NPL: variants seen among roughly 807,000 people sequenced by gnomAD.
The protein encoded by NPL is N-acetylneuraminate lyase.
A neutral mutation model predicts 41.1 loss-of-function variants in NPL; 32 were observed. The observed-to-expected ratio is 0.78, with a 90% CI of 0.59 to 1.05. NPL has a LOEUF of 1.05. Among genes scored for constraint, NPL ranks in the 50% least tolerant of loss-of-function variants. The pLI, the probability that NPL is intolerant of heterozygous loss-of-function variation, is 0.00. For missense variants in NPL, 321 were observed against 378.4 expected (o/e 0.85, Z 1.26); for synonymous variants, 128 against 134.9 (o/e 0.95, Z 0.35).
chr1:182,825,572 T>C (rs1667610123), intron 11 of NPL, among the ~76,000 whole-genome samples: 1 of 152,180 alleles, frequency 6.6e-6, no homozygotes, highest in Non-Finnish European at 1.5e-5. Context: ...CACGGGCCCA[T>C]TTTGTAAAGC....
intron 11 of NPL, among the ~76,000 whole-genome samples, chr1:182,824,327 G>A (rs1667571135): frequency 6.6e-6 from 1 of 152,160 alleles, no homozygotes; most frequent in Non-Finnish European, 1.5e-5. Flanking sequence ...GATAGTAAAT[G>A]TAATGTGCTA....
chr1:182,817,258 AT>A (rs1458120673), intron 8 of NPL, among the ~76,000 whole-genome samples: 5 of 152,206 alleles, frequency 3.3e-5, no homozygotes, highest in Non-Finnish European at 4.4e-5. Context: ...GAGTTTTACA[AT>A]TAGCTGAAAT....
chr1:182,816,671 T>A, intron 7 of NPL, 43 bp from the exon 8 acceptor site: 1 of 1,401,486 alleles, frequency 7.1e-7, no homozygotes, highest in Non-Finnish European at 1.0e-6. Flanking sequence ...AAGCCACTGT[T>A]TTACACCTGT....
In NPL at chr1:182,828,445, A is replaced by G. The variant is rs975840818; in HGVS notation, c.779-279A>G. 2.6e-5 allele frequency among the ~76,000 whole-genome samples: 4 copies of G among 151,882 alleles called. No individual in the cohort carries two copies. Among genetic ancestry groups the G allele is most frequent in the Non-Finnish European group, 5.9e-5 (4 of 67,982 alleles). Reference sequence around the variant, plus strand: ...CCCTTCTGACCTCTTTATTCCTGACACCTTTGGCTTCTCCTTCTTGGGTTT... The same window carrying G: ...CCCTTCTGACCTCTTTATTCCTGACGCCTTTGGCTTCTCCTTCTTGGGTTT... On this transcript the variant is annotated intron_variant, in intron 12 of 12. Coordinates refer to ENST00000367553, the MANE Select transcript of NPL (RefSeq NM_030769.3). The surrounding 1 kb of genome is among the most constrained non-coding windows in gnomAD (Gnocchi z 4.0).
At chr1:182,807,989 G>A (rs1213717962) in intron 5 of NPL, among the ~76,000 whole-genome samples, 3 of 151,932 alleles carry the variant, frequency 2.0e-5, no homozygotes, top group African/African-American at 7.3e-5. Flanking sequence ...TTGGGAGTGA[G>A]TCCTGTCACT....
At chr1:182,804,448 G>A (rs564541462) in intron 4 of NPL, among the ~76,000 whole-genome samples, 4 of 152,106 alleles carry the variant, frequency 2.6e-5, no homozygotes, top group Non-Finnish European at 5.9e-5. Flanking sequence ...CTTAAGAATG[G>A]GCTTTATTCT....
chr1:182,821,522 G>A (rs1196825421), intron 10 of NPL, among the ~76,000 whole-genome samples: 1 of 152,102 alleles, frequency 6.6e-6, no homozygotes, highest in Non-Finnish European at 1.5e-5. Context: ...ATAAAAACCA[G>A]GCCTACCTTG....
At chr1:182,825,083 G>C (rs1323346935) in intron 11 of NPL, among the ~76,000 whole-genome samples, 1 of 152,182 alleles carries the variant, frequency 6.6e-6, no homozygotes, top group African/African-American at 2.4e-5. Flanking sequence ...GCTGAAACCT[G>C]AGTAGCAGTG....
chr1:182,795,136 G>C (rs1460312328), intron 3 of NPL, among the ~76,000 whole-genome samples: 1 of 152,150 alleles, frequency 6.6e-6, no homozygotes, highest in Non-Finnish European at 1.5e-5. Context: ...CATGCACTGT[G>C]TATAACTCCT....
intron 1 of NPL, among the ~76,000 whole-genome samples, chr1:182,790,188 G>T (rs777741095): frequency 1.3e-5 from 2 of 152,100 alleles, no homozygotes; most frequent in Non-Finnish European, 2.9e-5. Flanking sequence ...ATCCCTATTT[G>T]TATCTCCTCT....
chr1:182,809,651 C>T (rs1667122841), intron 5 of NPL, among the ~76,000 whole-genome samples: 1 of 151,972 alleles, frequency 6.6e-6, no homozygotes, highest in South Asian at 2.1e-4. Flanking sequence ...AAAGCTTCTT[C>T]ATCTTTGGTC....
intron 3 of NPL, among the ~76,000 whole-genome samples, chr1:182,797,262 C>T (rs1330394483): frequency 2.0e-5 from 3 of 152,184 alleles, no homozygotes; most frequent in Non-Finnish European, 4.4e-5. Flanking sequence ...TCACTCTCCT[C>T]TTTAGGAATC....
Position 182,827,374 on chromosome 1 carries a change from C to A in NPL, c.779-1350C>A, listed in dbSNP as rs374761253. ...TGCCTCTCCAATCTGAAGGCTTTGTCTTTCTTTAGTTCTGAAAAAATTCTC... is the reference window on the plus strand; with the variant it reads ...TGCCTCTCCAATCTGAAGGCTTTGTATTTCTTTAGTTCTGAAAAAATTCTC... On this transcript the variant is annotated intron_variant, in intron 12 of 12. Transcript: ENST00000367553. 5.3e-5 allele frequency among the ~76,000 whole-genome samples: 8 copies of A among 152,130 alleles called. No homozygotes were observed. The East Asian group carries it at 7.7e-4, about 15-fold the overall frequency.
intron 8 of NPL, among the ~76,000 whole-genome samples, chr1:182,818,239 A>G (rs529569474): frequency 1.3e-4 from 20 of 152,348 alleles, no homozygotes; most frequent in African/African-American, 4.3e-4. Flanking sequence ...AGAATAAAAT[A>G]TTCTCCTAGC....
chr1:182,813,400 G>A (rs759129867), intron 6 of NPL, among the ~76,000 whole-genome samples: 2 of 152,132 alleles, frequency 1.3e-5, no homozygotes, highest in Admixed American at 6.6e-5. Flanking sequence ...AAGATGCAAA[G>A]GAATATCTAT....
chr1:182,807,174 A>G (rs1175306626), intron 5 of NPL, among the ~76,000 whole-genome samples: 1 of 152,096 alleles, frequency 6.6e-6, no homozygotes, highest in Non-Finnish European at 1.5e-5. Context: ...ACAGTGTTAT[A>G]TGTTATGTAC....
chr1:182,796,166 CAAAAAAAA>C (rs11419574), intron 3 of NPL, among the ~76,000 whole-genome samples: 3 of 103,248 alleles, frequency 2.9e-5, no homozygotes, highest in Admixed American at 1.1e-4. Flanking sequence ...GGTGTGAAAT[CAAAAAAAA>C]AAAAAAAAAA....
At chr1:182,815,602 ATT>A (rs1256487364) in intron 7 of NPL, among the ~76,000 whole-genome samples, 2 of 152,132 alleles carry the variant, frequency 1.3e-5, no homozygotes, top group Non-Finnish European at 2.9e-5. Flanking sequence ...AGTTTTAAAA[ATT>A]TTTTAAATTA....
At chr1:182,790,628 G>GTTGTT (rs1666479353) in intron 1 of NPL, among the ~76,000 whole-genome samples, 1 of 136,510 alleles carries the variant, frequency 7.3e-6, no homozygotes, top group South Asian at 2.1e-4. Flanking sequence ...TGTTGTTGTT[G>GTTGTT]TTGTTGTTGT....
Sources: allele counts gnomAD v4.1 joint callset (sites outside exome capture counted in the v4.1 genomes callset), GRCh38; gene constraint gnomAD v4.1.1; non-coding constraint Gnocchi (gnomAD v3.1); transcripts MANE v1.5; gene names NCBI Gene and HGNC (gene_info 2026-07-23, HGNC 2026-07-21).